Variants in AGBL1 observed in about 807,000 individuals in gnomAD.
The protein encoded by AGBL1 is cytosolic carboxypeptidase 4.
AGBL1 carries 130 observed loss-of-function variants against 118.9 expected under a neutral mutation model. The observed-to-expected ratio is 1.09, with a 90% CI of 0.95 to 1.26. The LOEUF is 1.26. Ranked by LOEUF, AGBL1 falls within the 50% of genes most tolerant of loss-of-function variation. The pLI, the probability that AGBL1 is intolerant of heterozygous loss-of-function variation, is 0.00. For synonymous variants in AGBL1, 555 were observed against 478.9 expected (o/e 1.16, Z -2.08); for missense variants, 1,584 against 1,298.1 (o/e 1.22, Z -3.38).
intron 16 of AGBL1, among the ~76,000 whole-genome samples, chr15:86,281,512 T>A (rs919953327): frequency 4.9e-4 from 75 of 152,234 alleles, no homozygotes; most frequent in African/African-American, 1.6e-3. Context: ...AGGACACTGT[T>A]CTTTTTGCTT....
At chr15:86,292,605 G>C (rs981671206) in intron 16 of AGBL1, among the ~76,000 whole-genome samples, 1 of 152,160 alleles carries the variant, frequency 6.6e-6, no homozygotes, top group Non-Finnish European at 1.5e-5. Flanking sequence ...GTGTCTCAAA[G>C]GGCAGAGGGC....
At chr15:86,616,933 T>C (rs2084735887) in intron 21 of AGBL1, among the ~76,000 whole-genome samples, 1 of 152,234 alleles carries the variant, frequency 6.6e-6, no homozygotes, top group African/African-American at 2.4e-5. Flanking sequence ...TCTCTTCTGC[T>C]TCTTCTGTCA....
At chr15:86,650,257 C>T (rs1235752646) in intron 21 of AGBL1, among the ~76,000 whole-genome samples, 1 of 152,148 alleles carries the variant, frequency 6.6e-6, no homozygotes, top group Non-Finnish European at 1.5e-5. Flanking sequence ...TTGCCAGCTT[C>T]CTTATTACTA....
At chr15:86,425,410 G>C (rs2081855146) in intron 18 of AGBL1, among the ~76,000 whole-genome samples, 1 of 151,988 alleles carries the variant, frequency 6.6e-6, no homozygotes, top group Admixed American at 6.6e-5. Flanking sequence ...GCTAGGGGAG[G>C]GATAGCATTA....
chr15:86,529,829 C>A (rs1302563922), intron 19 of AGBL1, among the ~76,000 whole-genome samples: 3 of 149,570 alleles, frequency 2.0e-5, no homozygotes, highest in Non-Finnish European at 4.4e-5. Flanking sequence ...AAAGAATTTT[C>A]AACCCAGAAT....
At chr15:86,086,521 G>C (rs1339650453) in intron 1 of AGBL1, 1 of 152,190 alleles carries the variant, frequency 6.6e-6, no homozygotes, top group Admixed American at 6.5e-5. Flanking sequence ...AAGGTCAAGA[G>C]CTAGGAACAA....
chr15:86,799,431 G>A (rs966216361), intron 22 of AGBL1, among the ~76,000 whole-genome samples: 10 of 152,088 alleles, frequency 6.6e-5, no homozygotes, highest in Non-Finnish European at 1.5e-4. Flanking sequence ...GTTAAGAGAT[G>A]AATCCAGACT....
At chr15:86,952,554 T>C (rs1016838728) in intron 23 of AGBL1, among the ~76,000 whole-genome samples, 2 of 152,322 alleles carry the variant, frequency 1.3e-5, no homozygotes, top group Non-Finnish European at 1.5e-5. Flanking sequence ...TGTTGATTTG[T>C]TTAAATACCT....
intron 22 of AGBL1, among the ~76,000 whole-genome samples, chr15:86,892,284 A>G (rs78318611): frequency 0.05 from 7,630 of 152,264 alleles, 245 homozygotes; most frequent in South Asian, 0.098. Context: ...CACTTGTTCA[A>G]TAAGAAATAG....
chr15:86,936,252 G>GTC (rs766486865), intron 23 of AGBL1, among the ~76,000 whole-genome samples: 39 of 152,200 alleles, frequency 2.6e-4, no homozygotes, highest in Non-Finnish European at 5.4e-4. Context: ...GTGTGTGTGT[G>GTC]TGTGTGTGTG....
intron 22 of AGBL1, among the ~76,000 whole-genome samples, chr15:86,779,924 C>CAG: frequency 9.6e-6 from 1 of 104,694 alleles, no homozygotes; most frequent in Non-Finnish European, 2.6e-5. Context: ...CCCCCCAACA[C>CAG]ACACACACAC....
At chr15:86,541,165 G>C (rs1169420221) in intron 19 of AGBL1, among the ~76,000 whole-genome samples, 1 of 152,186 alleles carries the variant, frequency 6.6e-6, no homozygotes, top group Non-Finnish European at 1.5e-5. Flanking sequence ...ATTAGTGATA[G>C]TAGAGGATTA....
chr15:86,292,512 C>G, intron 16 of AGBL1, among the ~76,000 whole-genome samples: 1 of 152,260 alleles, frequency 6.6e-6, no homozygotes, highest in East Asian at 1.9e-4. Context: ...GTTGTCTTAA[C>G]CTACAAAATT....
At chr15:86,733,390 A>T (rs569183500) in intron 22 of AGBL1, among the ~76,000 whole-genome samples, 14 of 152,236 alleles carry the variant, frequency 9.2e-5, no homozygotes, top group African/African-American at 3.4e-4. Context: ...AATCTTTTTT[A>T]CTCAGTCTAA....
Position 86,175,011 on chromosome 15 carries a change from G to T in AGBL1, c.488+15985G>T, listed in dbSNP as rs1187105177. On this transcript the variant is annotated intron_variant, in intron 5 of 22. Transcript: ENST00000614907. ...TTCGTTTCAGTATTAGGGTAATGCT[G>T]GTTTTGTAGAATGAGTTAGGAAGAA... 2.0e-5 allele frequency among the ~76,000 whole-genome samples: 3 copies of T among 151,942 alleles called. No individual in the cohort carries two copies. The East Asian group carries it at 5.8e-4, about 29-fold the overall frequency.
chr15:86,523,850 A>T (rs552715732), intron 19 of AGBL1, among the ~76,000 whole-genome samples: 1 of 152,344 alleles, frequency 6.6e-6, no homozygotes, highest in Non-Finnish European at 1.5e-5. Flanking sequence ...AGAAAATGGC[A>T]GCCAAGTAAC....
intron 22 of AGBL1, among the ~76,000 whole-genome samples, chr15:86,810,394 A>G (rs1431120722): frequency 6.6e-6 from 1 of 152,118 alleles, no homozygotes; most frequent in Non-Finnish European, 1.5e-5. Context: ...AGGTCCAAAG[A>G]CATGAAATTG....
chr15:86,099,135 T>C (rs985224271), intron 1 of AGBL1, among the ~76,000 whole-genome samples: 1 of 151,908 alleles, frequency 6.6e-6, no homozygotes, highest in African/African-American at 2.4e-5. Context: ...AAGTAGAAAA[T>C]ACTTCAAATA....
intron 18 of AGBL1, among the ~76,000 whole-genome samples, chr15:86,431,189 A>G (rs1290501339): frequency 1.3e-5 from 2 of 152,060 alleles, no homozygotes; most frequent in Admixed American, 1.3e-4. Flanking sequence ...AACCATGACC[A>G]GGAGAGATTA....
Sources: gnomAD v4.1 joint callset for allele counts (sites outside exome capture counted in the v4.1 genomes callset) on GRCh38, gnomAD v4.1.1 for gene constraint, MANE v1.5 for transcripts, NCBI Gene and HGNC (gene_info 2026-07-23, HGNC 2026-07-21) for gene names.